Variants in CAPN13 observed in about 807,000 individuals in gnomAD.
CAPN13 encodes calpain 13.
In CAPN13, 90 loss-of-function variants were observed where a neutral mutation model predicts 98.4. The ratio of observed to expected loss-of-function variants is 0.92; its 90% CI spans 0.77 to 1.09. The LOEUF is 1.09. CAPN13 is among the 50% of genes least tolerant of loss of function. The pLI, the probability that CAPN13 is intolerant of heterozygous loss-of-function variation, is 0.00. For missense variants in CAPN13, 887 were observed against 841.3 expected, an observed-to-expected ratio of 1.05 and a Z score of -0.67; for synonymous variants, 330 against 305.5, an observed-to-expected ratio of 1.08 and a Z score of -0.84.
chr2:30,788,392 G>A (rs1445339498), intron 1 of CAPN13, among the ~76,000 whole-genome samples: 1 of 152,160 alleles, frequency 6.6e-6, no homozygotes, highest in Non-Finnish European at 1.5e-5. Context: ...TCTTGTTCAG[G>A]CAGCCACAGG....
chr2:30,730,880 C>A (rs1259879332), intron 21 of CAPN13, 94 bp from the exon 22 acceptor site: 1 of 764,268 alleles, frequency 1.3e-6, no homozygotes, highest in Non-Finnish European at 2.4e-6. Context: ...CGGAAGACCT[C>A]AGTCCAGTCT....
At chr2:30,792,045 A>G (rs1044186981) in intron 1 of CAPN13, among the ~76,000 whole-genome samples, 4 of 152,206 alleles carry the variant, frequency 2.6e-5, no homozygotes, top group Admixed American at 6.5e-5. Flanking sequence ...GCGGAATTCA[A>G]TAACAATAGA....
chr2:30,797,081 T>C (rs1674924040), intron 1 of CAPN13, among the ~76,000 whole-genome samples: 1 of 152,128 alleles, frequency 6.6e-6, no homozygotes, highest in African/African-American at 2.4e-5. Context: ...TCCAGCTAAA[T>C]AGACAGGAAG....
At chr2:30,735,684 T>C (rs778462995) in intron 18 of CAPN13, among the ~76,000 whole-genome samples, 2 of 152,192 alleles carry the variant, frequency 1.3e-5, no homozygotes, top group African/African-American at 2.4e-5. Context: ...TAGTCGGGGA[T>C]CCGGGGATAT....
chr2:30,756,608 C>A (rs939991097), intron 8 of CAPN13, among the ~76,000 whole-genome samples: 1 of 152,244 alleles, frequency 6.6e-6, no homozygotes, highest in Non-Finnish European at 1.5e-5. Context: ...AAGAGGCAGC[C>A]TCAAATCAGG....
chr2:30,778,473 T>C (rs1391649100), intron 2 of CAPN13, among the ~76,000 whole-genome samples: 1 of 152,220 alleles, frequency 6.6e-6, no homozygotes, highest in East Asian at 1.9e-4. Flanking sequence ...CTCGGCCTCC[T>C]CTCTGTGCAG....
intron 3 of CAPN13, 46 bp downstream of exon 3, chr2:30,777,521 C>CA: frequency 1.3e-6 from 2 of 1,505,650 alleles, no homozygotes; most frequent in Non-Finnish European, 1.8e-6. Context: ...CACCACCCTC[C>CA]ACCACTTCCT....
chr2:30,750,427 G>A (rs997148972), intron 11 of CAPN13, among the ~76,000 whole-genome samples: 1 of 152,018 alleles, frequency 6.6e-6, no homozygotes, highest in Non-Finnish European at 1.5e-5. Context: ...ACCTATGTAA[G>A]AAACCTTCAC....
chr2:30,752,463 A>AG (rs1572817336), intron 10 of CAPN13, among the ~76,000 whole-genome samples: 1 of 152,204 alleles, frequency 6.6e-6, no homozygotes, highest in East Asian at 1.9e-4. Flanking sequence ...GATTCATCTC[A>AG]GGGGAGCTCA....
At chr2:30,776,151 T>A (rs145800419) in intron 3 of CAPN13, 106 bp from the exon 4 acceptor site, 14,872 of 634,026 alleles carry the variant, frequency 0.023, 273 homozygotes, top group Middle Eastern at 0.055. Flanking sequence ...TCCTTCTAAA[T>A]AATGCATTTT....
chr2:30,763,139 C>A lies in CAPN13; in HGVS notation c.717G>T (p.Gln239His). The A allele has an allele frequency of 6.2e-7, 1 of 1,611,364 alleles. No homozygotes were observed. Reference protein sequence around the residue: ...ATPSGPTDTAQAMENGLVSLH... With the variant: ...ATPSGPTDTAHAMENGLVSLH... ...GACTCACCAGCCCATTCTCCATCGCCTGTGCTGTATCTGTTGGCTTCAAGG... is the reference window on the plus strand; with the variant it reads ...GACTCACCAGCCCATTCTCCATCGCATGTGCTGTATCTGTTGGCTTCAAGG... Residue 239 changes from glutamine to histidine, a missense_variant, in exon 7 of 23, where the codon CAG becomes CAT. Transcript: ENST00000295055.
rs773454832 is a variant in CAPN13, at chr2:30,751,264, G to C, written c.1088-13C>G. On this transcript the variant is annotated splice_polypyrimidine_tract_variant and intron_variant, in intron 10 of 22. Coordinates refer to ENST00000295055, the MANE Select transcript of CAPN13 (RefSeq NM_144575.3). Reference sequence around the variant, plus strand: ...TTCCGAGGTCCTCCTGCATCAGAAAGAGCTGTTACTAGAGCTCAGCTCCAC... The same window carrying C: ...TTCCGAGGTCCTCCTGCATCAGAAACAGCTGTTACTAGAGCTCAGCTCCAC... The C allele has an allele frequency of 1.2e-6, 2 of 1,613,322 alleles. No homozygotes were observed. The highest frequency in any genetic ancestry group is 1.7e-6 in the Non-Finnish European group (2 of 1,179,438).
chr2:30,785,907 A>C (rs981304450), intron 2 of CAPN13, among the ~76,000 whole-genome samples: 4 of 152,210 alleles, frequency 2.6e-5, no homozygotes, highest in African/African-American at 9.6e-5. Context: ...CTTACTGCCA[A>C]TGGCTGATAA....
At chr2:30,766,140 G>A (rs1673098152) in intron 5 of CAPN13, among the ~76,000 whole-genome samples, 1 of 152,230 alleles carries the variant, frequency 6.6e-6, no homozygotes, top group Non-Finnish European at 1.5e-5. Context: ...CCTGCTCTTT[G>A]CAACAGCCCC....
At chr2:30,756,159 C>G (rs577296367) in intron 8 of CAPN13, among the ~76,000 whole-genome samples, 1 of 152,222 alleles carries the variant, frequency 6.6e-6, no homozygotes, top group East Asian at 1.9e-4. Flanking sequence ...TGTTCAAAAG[C>G]CTTCATTTAT....
At chr2:30,749,414 A>G (rs928023131) in intron 11 of CAPN13, among the ~76,000 whole-genome samples, 2 of 152,234 alleles carry the variant, frequency 1.3e-5, no homozygotes, top group Non-Finnish European at 2.9e-5. Context: ...CCCTCTTATT[A>G]GTGTAAACCA....
intron 3 of CAPN13, among the ~76,000 whole-genome samples, chr2:30,777,183 C>A (rs994421721): frequency 6.6e-6 from 1 of 152,306 alleles, no homozygotes; most frequent in African/African-American, 2.4e-5. Context: ...CTCAGCAGCT[C>A]CTTTGCTCTG....
intron 2 of CAPN13, among the ~76,000 whole-genome samples, chr2:30,779,264 C>G (rs6754923): frequency 0.52 from 78,537 of 152,120 alleles, 21,238 homozygotes; most frequent in South Asian, 0.67. Flanking sequence ...ACCTGTTGTG[C>G]AATCCTACTC....
chr2:30,763,002 A>G, intron 7 of CAPN13, 80 bp downstream of exon 7: 1 of 1,178,734 alleles, frequency 8.5e-7, no homozygotes. Context: ...CTTTCATGTG[A>G]TTCTGGCCCC....
Sources: allele counts gnomAD v4.1 joint callset (sites outside exome capture counted in the v4.1 genomes callset), GRCh38; gene constraint gnomAD v4.1.1; transcripts MANE v1.5; gene names NCBI Gene and HGNC (gene_info 2026-07-23, HGNC 2026-07-21).